Variants in IMMP2L observed in about 807,000 individuals in gnomAD.
IMMP2L encodes inner mitochondrial membrane peptidase subunit 2, also known as mitochondrial inner membrane protease subunit 2.
Under a neutral mutation model 19.3 loss-of-function variants are expected in IMMP2L, and 18 were observed. The ratio of observed to expected loss-of-function variants is 0.93; its 90% confidence interval spans 0.64 to 1.38. The LOEUF (loss-of-function observed/expected upper bound fraction) is 1.38. IMMP2L is among the 40% of genes most tolerant of loss of function. IMMP2L has a pLI of 0.00. For missense variants in IMMP2L, 233 were observed against 218.2 expected, an observed-to-expected ratio of 1.07 and a Z score of -0.43; for synonymous variants, 76 against 73.0, an observed-to-expected ratio of 1.04 and a Z score of -0.21.
In IMMP2L at chr7:111,293,893, T is replaced by C. The variant is rs150853597; in HGVS notation, c.239+193345A>G. ...ACTCAGGAATACATAAATCAAGATA[T>C]AGATTTCAACCCAACCCTATTCTGA... On this transcript the variant is annotated intron_variant, in intron 3 of 5. Transcript: ENST00000405709. Among the ~76,000 whole-genome samples, 21 of 152,056 alleles carry C rather than the reference T, an allele frequency of 1.4e-4. 1 individual carries two copies. The South Asian group carries it at 4.1e-3, about 30-fold the overall frequency.
chr7:110,949,632 A>G (rs982758557), intron 4 of IMMP2L, among the ~76,000 whole-genome samples: 1 of 152,196 alleles, frequency 6.6e-6, no homozygotes, highest in Non-Finnish European at 1.5e-5. Context: ...TCATGCTACA[A>G]TATCAGAGTT....
chr7:111,235,275 C>G (rs1814161534), intron 3 of IMMP2L, among the ~76,000 whole-genome samples: 1 of 152,122 alleles, frequency 6.6e-6, no homozygotes, highest in East Asian at 1.9e-4. Context: ...AGTTCAAGGC[C>G]AGCCTGACCA....
At chr7:111,033,820 T>G (rs868608010) in intron 3 of IMMP2L, among the ~76,000 whole-genome samples, 1 of 152,182 alleles carries the variant, frequency 6.6e-6, no homozygotes, top group South Asian at 2.1e-4. Flanking sequence ...CATAGCAGTG[T>G]TATTTACAAT....
At chr7:111,508,343 T>G (rs1845128072) in intron 2 of IMMP2L, among the ~76,000 whole-genome samples, 1 of 151,984 alleles carries the variant, frequency 6.6e-6, no homozygotes. Flanking sequence ...TAGAAAAATG[T>G]TTAATTAAAA....
intron 3 of IMMP2L, among the ~76,000 whole-genome samples, chr7:111,443,370 T>G (rs1837941258): frequency 6.6e-6 from 1 of 152,172 alleles, no homozygotes; most frequent in African/African-American, 2.4e-5. Flanking sequence ...CTACGACCAC[T>G]GTCTTAAGAG....
At chr7:111,323,086 AAGC>A (rs1398019706) in intron 3 of IMMP2L, among the ~76,000 whole-genome samples, 3 of 151,978 alleles carry the variant, frequency 2.0e-5, no homozygotes, top group Non-Finnish European at 4.4e-5. Flanking sequence ...TTAATTTGAA[AAGC>A]TAGAAAAAGA....
chr7:111,489,932 C>T (rs1442481804), intron 2 of IMMP2L, among the ~76,000 whole-genome samples: 2 of 151,766 alleles, frequency 1.3e-5, no homozygotes, highest in African/African-American at 2.4e-5. Context: ...AGTAGAGCTG[C>T]GACTACAGGT....
At chr7:111,129,150 G>A (rs1586473094) in intron 3 of IMMP2L, among the ~76,000 whole-genome samples, 1 of 151,988 alleles carries the variant, frequency 6.6e-6, no homozygotes, top group East Asian at 1.9e-4. Flanking sequence ...AAGTATGCAT[G>A]TATTAAGGAG....
intron 5 of IMMP2L, among the ~76,000 whole-genome samples, chr7:110,698,115 C>T (rs73208724): frequency 0.027 from 4,167 of 152,190 alleles, 70 homozygotes; most frequent in Middle Eastern, 0.095. Context: ...GGCAGCAGGG[C>T]CTGGGAATTA....
chr7:110,986,296 TG>T (rs941934902), intron 3 of IMMP2L, among the ~76,000 whole-genome samples: 11 of 152,156 alleles, frequency 7.2e-5, no homozygotes, highest in Admixed American at 6.6e-4. Flanking sequence ...TTCCTACCCC[TG>T]GCCCATGATG....
At chr7:110,949,054 G>A (rs1817531588) in intron 4 of IMMP2L, among the ~76,000 whole-genome samples, 1 of 152,100 alleles carries the variant, frequency 6.6e-6, no homozygotes, top group East Asian at 1.9e-4. Context: ...TACACCGTTG[G>A]CTTCCCTTGT....
chr7:111,159,079 T>C (rs901671105), intron 3 of IMMP2L, among the ~76,000 whole-genome samples: 6 of 152,142 alleles, frequency 3.9e-5, no homozygotes, highest in African/African-American at 1.2e-4. Flanking sequence ...AGCATTCTAC[T>C]AAGAAAGGGT....
At chr7:110,794,308 G>A (rs1279689328) in intron 5 of IMMP2L, among the ~76,000 whole-genome samples, 1 of 152,008 alleles carries the variant, frequency 6.6e-6, no homozygotes, top group Non-Finnish European at 1.5e-5. Context: ...ACAATGAAAT[G>A]TTACTCAGCA....
intron 5 of IMMP2L, among the ~76,000 whole-genome samples, chr7:110,725,415 T>C (rs2130788779): frequency 6.6e-6 from 1 of 152,312 alleles, no homozygotes; most frequent in East Asian, 1.9e-4. Context: ...TGGAAATAGA[T>C]GAAAGATTTT....
intron 5 of IMMP2L, among the ~76,000 whole-genome samples, chr7:110,714,087 T>G (rs1269563035): frequency 6.6e-6 from 1 of 152,190 alleles, no homozygotes; most frequent in African/African-American, 2.4e-5. Flanking sequence ...TCATATTATT[T>G]TGATGTATTT....
At chr7:110,956,465 C>T (rs771704429) in intron 4 of IMMP2L, among the ~76,000 whole-genome samples, 13 of 151,996 alleles carry the variant, frequency 8.6e-5, no homozygotes, top group Non-Finnish European at 1.9e-4. Context: ...CCTGAACAGT[C>T]AGGCCCATGA....
At chr7:111,278,030 G>T (rs1368562582) in intron 3 of IMMP2L, among the ~76,000 whole-genome samples, 3 of 151,962 alleles carry the variant, frequency 2.0e-5, no homozygotes, top group African/African-American at 7.3e-5. Context: ...CTAAACAATG[G>T]GTACATATGG....
At chr7:111,469,719 T>C (rs897083463) in intron 3 of IMMP2L, among the ~76,000 whole-genome samples, 1 of 152,066 alleles carries the variant, frequency 6.6e-6, no homozygotes, top group East Asian at 1.9e-4. Context: ...ATACAAAAAT[T>C]AATTCAACAT....
intron 3 of IMMP2L, among the ~76,000 whole-genome samples, chr7:111,353,369 T>C (rs1164398265): frequency 2.0e-5 from 3 of 152,220 alleles, no homozygotes; most frequent in Non-Finnish European, 2.9e-5. Context: ...CAACACTTAT[T>C]TAATAATGTG....
Sources: gnomAD v4.1 joint callset for allele counts (sites outside exome capture counted in the v4.1 genomes callset) on GRCh38, gnomAD v4.1.1 for gene constraint, MANE v1.5 for transcripts, NCBI Gene and HGNC (gene_info 2026-07-23, HGNC 2026-07-21) for gene names.